Variants in FAAP20 observed in about 807,000 individuals in gnomAD.
The protein encoded by FAAP20 is FA core complex associated protein 20.
A neutral mutation model predicts 16.2 loss-of-function variants in FAAP20; 12 were observed. The ratio of observed to expected loss-of-function variants is 0.74; its 90% CI spans 0.48 to 1.20. FAAP20 has a LOEUF of 1.20. Ranked by LOEUF, FAAP20 falls within the 50% of genes most tolerant of loss-of-function variation. The pLI is 0.00. For missense variants in FAAP20, 288 were observed against 245.8 expected (o/e 1.17, Z -1.15); for synonymous variants, 141 against 110.7 (o/e 1.27, Z -1.72).
upstream of FAAP20, among the ~76,000 whole-genome samples, chr1:2,196,345 T>G (rs1688822117): frequency 1.3e-5 from 2 of 152,282 alleles, no homozygotes; most frequent in Admixed American, 6.5e-5. The surrounding 1 kb of genome is among the most constrained non-coding windows in gnomAD (Gnocchi z 4.5). Flanking sequence ...GCAGATTGCT[T>G]GAGCCCAGGA....
intron 3 of FAAP20, chr1:2,192,379 A>G (rs1688329602): frequency 8.0e-6 from 8 of 994,728 alleles, no homozygotes; most frequent in East Asian, 1.1e-4. Context: ...ATTGACGCCT[A>G]CTTAGGAAAA....
downstream of FAAP20, chr1:2,184,536 G>A: frequency 1.4e-6 from 2 of 1,448,882 alleles, no homozygotes; most frequent in Non-Finnish European, 1.9e-6. Flanking sequence ...AATCTGGTAG[G>A]GATGATGCCC....
downstream of FAAP20, among the ~76,000 whole-genome samples, chr1:2,188,157 G>C (rs1194285850): frequency 6.6e-6 from 1 of 152,206 alleles, no homozygotes; most frequent in African/African-American, 2.4e-5. Flanking sequence ...ACGGGGGTCA[G>C]AGCTGAGCCC....
At chr1:2,189,464 T>G, downstream of FAAP20, 1 of 561,380 alleles carries the variant, frequency 1.8e-6, no homozygotes, top group Non-Finnish European at 3.2e-6. Context: ...GGGGTCAGCT[T>G]CCCCGCCTGG....
chr1:2,193,868 C>T lies in FAAP20; in HGVS notation c.241G>A (p.Gly81Arg), dbSNP rs1376086383. 2 of 1,612,326 alleles carry T rather than the reference C, an allele frequency of 1.2e-6. No individual in the cohort carries two copies. Among genetic ancestry groups the T allele is most frequent in the Non-Finnish European group, 1.7e-6 (2 of 1,179,846 alleles). Residue 81 changes from glycine (G) to arginine (R), a missense_variant, in exon 3 of 4, where the codon GGA becomes AGA. Transcript: ENST00000378546. ...GGTGTCCAGGAAAAGGTCTTGGGTCCGACAGTGAAGACTTCAGTGGGCTCC... is the reference window on the plus strand; with the variant it reads ...GGTGTCCAGGAAAAGGTCTTGGGTCTGACAGTGAAGACTTCAGTGGGCTCC... ...GPEPTEVFTV[G>R]PKTFSWTPFP...
chr1:2,212,657 A>G, upstream of FAAP20: 1 of 230,616 alleles, frequency 4.3e-6, no homozygotes, highest in East Asian at 1.4e-4. Flanking sequence ...GGGTAAAAAT[A>G]GCAAACCCAA....
At chr1:2,186,531 T>C (rs1687627000), downstream of FAAP20, among the ~76,000 whole-genome samples, 1 of 124,170 alleles carries the variant, frequency 8.1e-6, no homozygotes, top group Non-Finnish European at 1.6e-5. Context: ...CTAGGTGGAA[T>C]GTGGAGACGG....
chr1:2,200,638 A>AT (rs1689013447), upstream of FAAP20: 3 of 985,962 alleles, frequency 3.0e-6, no homozygotes, highest in Non-Finnish European at 2.4e-6. Context: ...GTGTGTGGTC[A>AT]TTTTTTCACA....
chr1:2,198,531 C>T (rs1447033089), upstream of FAAP20: 1 of 557,362 alleles, frequency 1.8e-6, no homozygotes, highest in Admixed American at 3.9e-5. Context: ...ATGTTCATCT[C>T]TGCCCAGCGC....
At chr1:2,205,117 C>T (rs1487811158) in intron 3 of FAAP20, among the ~76,000 whole-genome samples, 27 of 38,212 alleles carry the variant, frequency 7.1e-4, no homozygotes, top group South Asian at 4.0e-3. Flanking sequence ...CCCCGCCCCC[C>T]AGGCGCCCCA....
At chr1:2,189,381 G>T (rs950995074), downstream of FAAP20, among the ~76,000 whole-genome samples, 1 of 151,426 alleles carries the variant, frequency 6.6e-6, no homozygotes, top group South Asian at 2.1e-4. Context: ...AGCTAACCAC[G>T]CCTGTCCACA....
At chr1:2,185,731 G>A (rs139733988), downstream of FAAP20, among the ~76,000 whole-genome samples, 37 of 152,284 alleles carry the variant, frequency 2.4e-4, no homozygotes, top group African/African-American at 7.0e-4. Flanking sequence ...CCAAAAAAGA[G>A]AAAAAACTGA....
downstream of FAAP20, among the ~76,000 whole-genome samples, chr1:2,211,371 A>AG (rs1282453557): frequency 2.6e-5 from 3 of 115,720 alleles, no homozygotes; most frequent in Non-Finnish European, 5.0e-5. Flanking sequence ...CTGGGATTAC[A>AG]GGTACCTGCC....
upstream of FAAP20, among the ~76,000 whole-genome samples, chr1:2,201,710 A>C (rs967706507): frequency 1.3e-5 from 2 of 150,754 alleles, no homozygotes; most frequent in African/African-American, 4.9e-5. Flanking sequence ...TGACAGAGCA[A>C]AACTCCAACT....
downstream of FAAP20, chr1:2,186,224 G>A (rs750747854): frequency 1.3e-5 from 4 of 313,696 alleles, no homozygotes; most frequent in African/African-American, 4.4e-5. Context: ...CTCAGGGGCC[G>A]CTCCACCCCA....
downstream of FAAP20, among the ~76,000 whole-genome samples, chr1:2,189,224 T>G (rs1390839272): frequency 6.7e-6 from 1 of 150,106 alleles, no homozygotes; most frequent in Non-Finnish European, 1.5e-5. Flanking sequence ...TCCCAGCTAT[T>G]CAGGAGGCTG....
Position 2,189,676 on chromosome 1 carries a change from C to G in FAAP20, c.*33G>C. ...GCTGGCGGGGGAGAGCGTGTCCGGG[C>G]GCCGCACTCTGCGCAGGGCTCTTGG... On this transcript the variant is annotated 3_prime_UTR_variant, in exon 4 of 4. Coordinates refer to ENST00000378546, the MANE Select transcript of FAAP20 (RefSeq NM_182533.4). The G allele has an allele frequency of 1.9e-6, 3 of 1,586,732 alleles. No homozygotes were observed. Among genetic ancestry groups the G allele is most frequent in the Non-Finnish European group, 1.7e-6 (2 of 1,159,264 alleles).
At chr1:2,189,484 T>C, downstream of FAAP20, 1 of 587,830 alleles carries the variant, frequency 1.7e-6, no homozygotes, top group Non-Finnish European at 3.1e-6. Flanking sequence ...GGGCTGTGTC[T>C]GGTTCTGATT....
chr1:2,198,262 C>G (rs1688903248), upstream of FAAP20: 1 of 1,045,724 alleles, frequency 9.6e-7, no homozygotes, highest in Admixed American at 2.6e-5. Flanking sequence ...GCATCCCAGG[C>G]AGAGCAGAAG....
Sources: allele counts gnomAD v4.1 joint callset (sites outside exome capture counted in the v4.1 genomes callset), GRCh38; gene constraint gnomAD v4.1.1; non-coding constraint Gnocchi (gnomAD v3.1); transcripts MANE v1.5; gene names NCBI Gene and HGNC (gene_info 2026-07-23, HGNC 2026-07-21).